Variants in SRL observed in about 807,000 individuals in gnomAD.
SRL encodes sarcalumenin.
In SRL, 23 loss-of-function variants were observed where a neutral mutation model predicts 39.5. The observed-to-expected ratio is 0.58, with a 90% CI of 0.42 to 0.82. The LOEUF is 0.82. Among genes scored for constraint, SRL ranks in the 40% least tolerant of loss-of-function variants. SRL has a pLI of 0.00. For missense variants in SRL, 592 were observed against 607.8 expected, an observed-to-expected ratio of 0.97 and a Z score of 0.27; for synonymous variants, 272 against 237.4, an observed-to-expected ratio of 1.15 and a Z score of -1.34.
rs113857199 is a variant in SRL at position 4,236,277 on chromosome 16, G to C, written c.61+5730C>G. On this transcript the variant is annotated intron_variant, in intron 1 of 5. Coordinates refer to ENST00000399609, the MANE Select transcript of SRL (RefSeq NM_001098814.2). ...TCAGTGACCTCCTGGTTGTCAGAAG[G>C]AACAGCTCCTCTCCCTCAGCATCTC... Among the ~76,000 whole-genome samples, 610 of 152,132 alleles carry C rather than the reference G, an allele frequency of 4.0e-3. 5 individuals are homozygous for C. Among genetic ancestry groups the C allele is most frequent in the African/African-American group, 0.014 (585 of 41,496 alleles).
chr16:4,225,177 A>T (rs1291715), intron 1 of SRL, among the ~76,000 whole-genome samples: 45,091 of 151,998 alleles, frequency 0.3, 7,341 homozygotes, highest in East Asian at 0.52. Flanking sequence ...TCTAAAATTG[A>T]CTGTGTTGAT....
intron 1 of SRL, among the ~76,000 whole-genome samples, chr16:4,232,421 C>T (rs1044675847): frequency 2.0e-5 from 3 of 152,208 alleles, no homozygotes; most frequent in Non-Finnish European, 4.4e-5. Flanking sequence ...GTGGTCACAT[C>T]AGGCCCTAAA....
chr16:4,240,626 C>T (rs1003969032), intron 1 of SRL, among the ~76,000 whole-genome samples: 1 of 152,094 alleles, frequency 6.6e-6, no homozygotes, highest in Admixed American at 6.5e-5. Flanking sequence ...GAGCCCCCAG[C>T]GAGGCCTGCA....
chr16:4,228,302 C>T (rs968287492), intron 1 of SRL, among the ~76,000 whole-genome samples: 11 of 152,188 alleles, frequency 7.2e-5, no homozygotes, highest in Admixed American at 3.9e-4. Context: ...CTGGATATGG[C>T]GGCGCATGCC....
At chr16:4,240,942 G>A (rs1161746202) in intron 1 of SRL, among the ~76,000 whole-genome samples, 1 of 152,168 alleles carries the variant, frequency 6.6e-6, no homozygotes, top group Non-Finnish European at 1.5e-5. Flanking sequence ...TGCAGTGGCT[G>A]GAGCCCCCCA....
intron 1 of SRL, chr16:4,207,883 C>G (rs2052344069): frequency 4.4e-6 from 2 of 456,428 alleles, no homozygotes; most frequent in Non-Finnish European, 8.8e-6. Flanking sequence ...GAGAGGCTGG[C>G]TTCAGGATCG....
At chr16:4,221,732 C>T (rs1419027732) in intron 1 of SRL, among the ~76,000 whole-genome samples, 10 of 152,198 alleles carry the variant, frequency 6.6e-5, no homozygotes, top group Non-Finnish European at 1.5e-4. Flanking sequence ...ACTCACAGTC[C>T]TAGAGGCCAG....
chr16:4,201,524 G>T lies in SRL; in HGVS notation c.259+1642C>A, dbSNP rs994635607. 3.4e-5 allele frequency among the ~76,000 whole-genome samples: 4 copies of T among 118,748 alleles called. No homozygotes were observed. The East Asian group carries it at 7.8e-4, about 23-fold the overall frequency. 77.9% of individuals were successfully genotyped at this position (118,748 alleles called of 152,430 possible). A position where few individuals can be genotyped will look rare whatever the true frequency, so the allele number is the denominator to read the frequency against. On this transcript the variant is annotated intron_variant, in intron 3 of 5. Transcript: ENST00000399609. ...ACTCCTGGCCTCAAGGGATCTGCTC[G>T]CCTCAGCCTCCCAAACTGCTGGGAC...
intron 1 of SRL, among the ~76,000 whole-genome samples, chr16:4,240,023 C>T (rs2052755895): frequency 6.6e-6 from 1 of 152,200 alleles, no homozygotes; most frequent in Admixed American, 6.5e-5. Context: ...CGCTTGTCTC[C>T]TCACAGGGAG....
chr16:4,224,424 G>C (rs956096585), intron 1 of SRL, among the ~76,000 whole-genome samples: 2 of 152,108 alleles, frequency 1.3e-5, no homozygotes, highest in Admixed American at 6.6e-5. Flanking sequence ...GATAAAGTGA[G>C]GCCAGGCACG....
At chr16:4,220,278 A>AACAAACACACACACAC (rs1555456150) in intron 1 of SRL, among the ~76,000 whole-genome samples, 1 of 140,724 alleles carries the variant, frequency 7.1e-6, no homozygotes, top group Admixed American at 7.2e-5. Context: ...TCTCTACTAA[A>AACAAACACACACACAC]ACACACACAC....
chr16:4,225,937 C>T (rs28729590), intron 1 of SRL, among the ~76,000 whole-genome samples: 2,696 of 152,218 alleles, frequency 0.018, 77 homozygotes, highest in African/African-American at 0.059. Flanking sequence ...CATGTGCCCC[C>T]TCGTCCACTG....
intron 2 of SRL, among the ~76,000 whole-genome samples, chr16:4,203,466 G>A (rs924363059): frequency 2.0e-5 from 3 of 152,102 alleles, no homozygotes; most frequent in African/African-American, 7.2e-5. Context: ...CAAATGAAAA[G>A]GCATTCTCCT....
At chr16:4,228,506 C>T (rs143381641) in intron 1 of SRL, among the ~76,000 whole-genome samples, 1,748 of 152,052 alleles carry the variant, frequency 0.011, 28 homozygotes, top group African/African-American at 0.037. Context: ...GAGGCCGAGG[C>T]GGGCGGATCA....
At position 4,192,811 on chromosome 16, in the gene SRL, T is replaced by A; in HGVS notation, c.764A>T (p.Asn255Ile). ...GRESQIRIILNKADNLATQML... is the reference protein window; with the variant it reads ...GRESQIRIILIKADNLATQML... ...TTGGGTGGCCAGATTGTCAGCCTTG[T>A]TCAGGATGATCCTTATCTGGGATTC... The change falls in exon 6 of 6, where the codon AAC becomes ATC. Residue 255 changes from asparagine (N) to isoleucine (I), a missense_variant. By Grantham distance (149) the Asn-to-Ile change is moderately radical. Coordinates refer to ENST00000399609, the MANE Select transcript of SRL (RefSeq NM_001098814.2). The surrounding 1 kb of genome is among the most constrained non-coding windows in gnomAD (Gnocchi z 4.0). The A allele has an allele frequency of 6.2e-7, 1 of 1,614,214 alleles. No homozygotes were observed. The highest frequency in any genetic ancestry group is 2.2e-5 in the East Asian group (1 of 44,886).
chr16:4,238,613 C>A (rs2052738269), intron 1 of SRL, among the ~76,000 whole-genome samples: 1 of 151,298 alleles, frequency 6.6e-6, no homozygotes, highest in Non-Finnish European at 1.5e-5. Context: ...GGCCACCATG[C>A]CCGGTGCCAC....
chr16:4,215,627 G>T (rs1410747616), intron 1 of SRL, among the ~76,000 whole-genome samples: 1 of 152,186 alleles, frequency 6.6e-6, no homozygotes, highest in Non-Finnish European at 1.5e-5. Context: ...CAGCCAATAA[G>T]AGGGTCTAAG....
At chr16:4,203,898 G>T (rs940503073) in intron 2 of SRL, among the ~76,000 whole-genome samples, 1 of 152,220 alleles carries the variant, frequency 6.6e-6, no homozygotes, top group Non-Finnish European at 1.5e-5. Context: ...TGGCCCTGGC[G>T]TTGGCCTGTC....
chr16:4,211,319 G>T (rs981240881), intron 1 of SRL, among the ~76,000 whole-genome samples: 6 of 152,238 alleles, frequency 3.9e-5, no homozygotes, highest in Non-Finnish European at 5.9e-5. Flanking sequence ...CGTTGGGGGG[G>T]GTCTCCTAGG....
Sources: allele counts gnomAD v4.1 joint callset (sites outside exome capture counted in the v4.1 genomes callset), GRCh38; gene constraint gnomAD v4.1.1; non-coding constraint Gnocchi (gnomAD v3.1); transcripts MANE v1.5; gene names NCBI Gene and HGNC (gene_info 2026-07-23, HGNC 2026-07-21).